Variants in ZNF487 observed in about 807,000 individuals in gnomAD.
The protein encoded by ZNF487 is zinc finger protein 487.
In ZNF487, 4 loss-of-function variants were observed where a neutral mutation model predicts 3.0. The observed-to-expected ratio is 1.35, with a 90% CI of 0.66 to 3.08. The LOEUF (loss-of-function observed/expected upper bound fraction) is 3.08, where lower values mean the gene tolerates loss of function less well. Ranked by LOEUF, ZNF487 falls within the 30% of genes most tolerant of loss-of-function variation. ZNF487 has a pLI of 0.01. For missense variants in ZNF487, 146 were observed against 98.7 expected (o/e 1.48, Z -2.03); for synonymous variants, 55 against 34.6 (o/e 1.59, Z -2.06).
the ZNF487 span, among the ~76,000 whole-genome samples, chr10:43,497,397 T>G: frequency 1.3e-5 from 2 of 152,176 alleles, no homozygotes; most frequent in Non-Finnish European, 2.9e-5. Context: ...CTGAATATTC[T>G]AGGCATTGGA....
At chr10:43,462,295 GCTTT>G (rs1840459386) in intron 1 of ZNF487, among the ~76,000 whole-genome samples, 1 of 151,784 alleles carries the variant, frequency 6.6e-6, no homozygotes, top group Non-Finnish European at 1.5e-5. Flanking sequence ...CTCTTACGTG[GCTTT>G]CTAGCCACGT....
At chr10:43,468,894 C>T (rs995832186) in intron 1 of ZNF487, among the ~76,000 whole-genome samples, 1 of 139,386 alleles carries the variant, frequency 7.2e-6, no homozygotes, top group African/African-American at 2.7e-5. Context: ...GAGGCTGAGG[C>T]AGGAGAATGG....
At chr10:43,448,159 T>A (rs193205609) in intron 1 of ZNF487, among the ~76,000 whole-genome samples, 1 of 151,770 alleles carries the variant, frequency 6.6e-6, no homozygotes, top group Non-Finnish European at 1.5e-5. Context: ...CCGGCTAATT[T>A]TTTGTATTTT....
rs1046219930 is a variant in ZNF487, at chr10:43,437,122, C to G, written c.-234C>G. ...CGGCGGCCCCGCCCAGGGAGCGCTG[C>G]GGCAGTTTCCATGGTGAGATGGTCA... is the stretch of plus-strand genomic sequence containing the variant. On this transcript the variant is annotated 5_prime_UTR_variant, in exon 1 of 4. Coordinates refer to ENST00000437590, the MANE Select transcript of ZNF487 (RefSeq NM_001355444.3). The G allele has an allele frequency of 4.6e-5, 14 of 301,564 alleles. No homozygotes were observed. Among genetic ancestry groups the G allele is most frequent in the East Asian group, 1.5e-4 (1 of 6,684 alleles). The allele number at this position is 301,564 out of a possible 1,614,324, so 18.7% of individuals were successfully genotyped here. A position where few individuals can be genotyped will look rare whatever the true frequency, so the allele number is the denominator to read the frequency against.
the ZNF487 span, among the ~76,000 whole-genome samples, chr10:43,520,797 G>A: frequency 3.9e-5 from 6 of 152,150 alleles, no homozygotes; most frequent in Non-Finnish European, 7.4e-5. Flanking sequence ...TGCTTATAAC[G>A]CAGGTCTGTG....
At chr10:43,440,615 G>A (rs543134590) in intron 1 of ZNF487, among the ~76,000 whole-genome samples, 2 of 151,148 alleles carry the variant, frequency 1.3e-5, no homozygotes, top group African/African-American at 4.8e-5. Context: ...CTGAGATTGC[G>A]CCACTGCACT....
At chr10:43,451,456 G>T (rs189188434) in intron 1 of ZNF487, among the ~76,000 whole-genome samples, 1 of 150,850 alleles carries the variant, frequency 6.6e-6, no homozygotes, top group Non-Finnish European at 1.5e-5. Context: ...TGTTGGTCAG[G>T]CTGGTCTCGA....
intron 1 of ZNF487, among the ~76,000 whole-genome samples, chr10:43,472,328 C>T (rs1183134464): frequency 6.6e-6 from 1 of 152,124 alleles, no homozygotes; most frequent in East Asian, 1.9e-4. Flanking sequence ...GCATTCCTTC[C>T]CCTTCTTGTT....
the ZNF487 span, among the ~76,000 whole-genome samples, chr10:43,493,203 C>T: frequency 6.6e-6 from 1 of 152,000 alleles, no homozygotes; most frequent in East Asian, 1.9e-4. Flanking sequence ...GCACTCCAGC[C>T]GAGGCAACAA....
At chr10:43,491,353 T>C in the ZNF487 span, among the ~76,000 whole-genome samples, 1 of 151,730 alleles carries the variant, frequency 6.6e-6, no homozygotes, top group Non-Finnish European at 1.5e-5. Context: ...ATTCTTATTC[T>C]TTGTGTCCTG....
chr10:43,504,980 A>ACC, the ZNF487 span, among the ~76,000 whole-genome samples: 17 of 152,246 alleles, frequency 1.1e-4, no homozygotes, highest in African/African-American at 4.1e-4. Flanking sequence ...TGTTGGGATT[A>ACC]CAGGCGTGAG....
Position 43,458,752 on chromosome 10 carries a change from G to A in ZNF487, c.-93-16969G>A, listed in dbSNP as rs1164299646. ...TCTGCTGCTTGTAATTGAGTACTTC[G>A]TGTGGGTCGAGTACTCAGTCAGTAC... On this transcript the variant is annotated intron_variant, in intron 1 of 3. Coordinates refer to ENST00000437590, the MANE Select transcript of ZNF487 (RefSeq NM_001355444.3). Among the ~76,000 whole-genome samples the A allele has an allele frequency of 3.3e-5, 5 of 151,824 alleles. No homozygotes were observed. In the East Asian group the frequency reaches 9.7e-4, roughly 29 times the overall value.
At chr10:43,449,112 G>A (rs1425219844) in intron 1 of ZNF487, among the ~76,000 whole-genome samples, 1 of 151,976 alleles carries the variant, frequency 6.6e-6, no homozygotes, top group African/African-American at 2.4e-5. Flanking sequence ...CAGCCTGGGG[G>A]ACATGGTGAA....
the ZNF487 span, among the ~76,000 whole-genome samples, chr10:43,516,383 A>G: frequency 6.6e-6 from 1 of 152,224 alleles, no homozygotes; most frequent in Non-Finnish European, 1.5e-5. Context: ...AGACCTTCAT[A>G]CTTAATATTC....
At chr10:43,480,822 A>G (rs1335786248) in intron 3 of ZNF487, among the ~76,000 whole-genome samples, 5 of 152,076 alleles carry the variant, frequency 3.3e-5, no homozygotes, top group Non-Finnish European at 5.9e-5. Context: ...TGACAAGAGG[A>G]AGACTCTTCA....
chr10:43,446,214 T>C lies in ZNF487; in HGVS notation c.-94+8952T>C, dbSNP rs553530272. On this transcript the variant is annotated intron_variant, in intron 1 of 3. Transcript: ENST00000437590. ...TGGGTACACCTCCCAGACGGGGTGG[T>C]GGCCGGGCAGAGGGGCTCCTCACTT... Among the ~76,000 whole-genome samples the C allele has an allele frequency of 6.2e-3, 945 of 151,586 alleles. 9 individuals carry two copies. Among genetic ancestry groups the C allele is most frequent in the African/African-American group, 0.018 (736 of 41,354 alleles).
At chr10:43,518,540 A>G in the ZNF487 span, among the ~76,000 whole-genome samples, 2 of 151,950 alleles carry the variant, frequency 1.3e-5, no homozygotes, top group Non-Finnish European at 2.9e-5. Context: ...CCTTTTGATG[A>G]CCATCTTGCC....
At chr10:43,473,565 C>G (rs986512537) in intron 1 of ZNF487, among the ~76,000 whole-genome samples, 9 of 151,872 alleles carry the variant, frequency 5.9e-5, no homozygotes, top group Non-Finnish European at 8.8e-5. Context: ...GTTGCCCAGG[C>G]TGGAGTGCAG....
chr10:43,498,724 C>T, the ZNF487 span, among the ~76,000 whole-genome samples: 1 of 151,626 alleles, frequency 6.6e-6, no homozygotes, highest in Non-Finnish European at 1.5e-5. Context: ...GGGTGGATCA[C>T]GAGGTCAGGA....
Sources: gnomAD v4.1 joint callset for allele counts (sites outside exome capture counted in the v4.1 genomes callset) on GRCh38, gnomAD v4.1.1 for gene constraint, MANE v1.5 for transcripts, NCBI Gene and HGNC (gene_info 2026-07-23, HGNC 2026-07-21) for gene names.